The following LRIG3 variants were observed in gnomAD, a reference collection of about 807,000 sequenced individuals.
LRIG3 encodes the protein leucine-rich repeats and immunoglobulin-like domains protein 3.
A neutral mutation model predicts 114.5 loss-of-function variants in LRIG3; 76 were observed. That is an observed-to-expected ratio of 0.66 (90% CI 0.55 to 0.80). LRIG3 has a LOEUF of 0.80. LRIG3 is among the 30% of genes least tolerant of loss of function. LRIG3 has a pLI of 0.00. For missense variants in LRIG3, 1,239 were observed against 1,382.8 expected (o/e 0.90, Z 1.65); for synonymous variants, 512 against 519.8 (o/e 0.98, Z 0.20).
intron 4 of LRIG3, 34 bp downstream of exon 4, chr12:58,890,631 G>T: frequency 6.5e-7 from 1 of 1,540,130 alleles, no homozygotes; most frequent in Non-Finnish European, 8.7e-7. Flanking sequence ...TTTCATTACA[G>T]GTGAAAGTTT....
At chr12:58,883,815 C>A (rs1871191607) in intron 10 of LRIG3, among the ~76,000 whole-genome samples, 1 of 152,164 alleles carries the variant, frequency 6.6e-6, no homozygotes, top group Non-Finnish European at 1.5e-5. Context: ...AAAAGATTCA[C>A]TTTCTGTCAT....
At chr12:58,913,652 C>G (rs993973771) in intron 3 of LRIG3, 20 of 202,068 alleles carry the variant, frequency 9.9e-5, no homozygotes, top group Admixed American at 4.4e-4. Context: ...CCATGCCAAC[C>G]ATTGAGCGAT....
At chr12:58,888,179 C>T in intron 7 of LRIG3, 150 bp downstream of exon 7, 1 of 1,012,894 alleles carries the variant, frequency 9.9e-7, no homozygotes, top group Non-Finnish European at 1.4e-6. Context: ...TTCAACTTAT[C>T]ACAACAAAAA....
At chr12:58,903,749 G>A (rs1341169498) in intron 3 of LRIG3, among the ~76,000 whole-genome samples, 1 of 151,860 alleles carries the variant, frequency 6.6e-6, no homozygotes, top group Non-Finnish European at 1.5e-5. Context: ...TGTATAAGGT[G>A]TAAGGAAGGG....
chr12:58,904,528 T>A (rs548495053), intron 3 of LRIG3, among the ~76,000 whole-genome samples: 1 of 152,226 alleles, frequency 6.6e-6, no homozygotes, highest in South Asian at 2.1e-4. Flanking sequence ...ATACAAGAGT[T>A]TTTGTGGCAA....
At chr12:58,891,838 C>T (rs1871465607) in intron 3 of LRIG3, among the ~76,000 whole-genome samples, 1 of 152,098 alleles carries the variant, frequency 6.6e-6, no homozygotes, top group Non-Finnish European at 1.5e-5. Flanking sequence ...CAGCCACTAG[C>T]CACATGAGGC....
chr12:58,877,932 C>A, intron 14 of LRIG3, 80 bp from the exon 15 acceptor site: 1 of 1,360,450 alleles, frequency 7.4e-7, no homozygotes, highest in South Asian at 1.5e-5. Context: ...TAAACTTATT[C>A]AAATTGTAAC....
At chr12:58,898,012 C>T (rs1356957653) in intron 3 of LRIG3, among the ~76,000 whole-genome samples, 1 of 152,188 alleles carries the variant, frequency 6.6e-6, no homozygotes, top group Non-Finnish European at 1.5e-5. Flanking sequence ...AGTGAACAAA[C>T]TGGAGTGCAG....
At chr12:58,914,156 G>T in intron 2 of LRIG3, 100 bp from the exon 3 acceptor site, 1 of 1,510,788 alleles carries the variant, frequency 6.6e-7, no homozygotes. Flanking sequence ...TACCACCCAA[G>T]TTAAAAGTTT....
In LRIG3 at chr12:58,889,978, A is replaced by T; in HGVS notation, c.659+18T>A. The T allele has an allele frequency of 6.2e-7, 1 of 1,612,748 alleles. No homozygotes were observed. The highest frequency in any genetic ancestry group is 1.1e-5 in the South Asian group (1 of 90,810). On this transcript the variant is annotated intron_variant, in intron 5 of 18. Transcript: ENST00000320743. ...TGGAGGAGGTGAGAAACAGTATCTA[A>T]GAGGACATTTTACTTACAGATGTTG...
At chr12:58,889,584 G>C (rs573834410) in intron 5 of LRIG3, among the ~76,000 whole-genome samples, 1 of 152,136 alleles carries the variant, frequency 6.6e-6, no homozygotes, top group Non-Finnish European at 1.5e-5. Flanking sequence ...CCTATTGCAG[G>C]AGTCTGTTCA....
chr12:58,918,485 A>G (rs1407767669), intron 1 of LRIG3, among the ~76,000 whole-genome samples: 2 of 152,246 alleles, frequency 1.3e-5, no homozygotes, highest in Non-Finnish European at 2.9e-5. Context: ...CTTGACATTG[A>G]AAAACTATCG....
Position 58,887,958 on chromosome 12 carries a change from T to C in LRIG3, c.948-26A>G, listed in dbSNP as rs1407117275. ...CTGTAAAGAAAAAAGAGAAAAGCAA[T>C]AGCTTTTATTTTTCAATTCAACACA... On this transcript the variant is annotated intron_variant, in intron 7 of 18. Coordinates refer to ENST00000320743, the MANE Select transcript of LRIG3 (RefSeq NM_153377.5). The C allele has an allele frequency of 8.8e-6, 14 of 1,598,736 alleles. No individual in the cohort carries two copies. In the East Asian group the frequency reaches 3.1e-4, roughly 36 times the overall value.
chr12:58,895,270 G>GT (rs1373612681), intron 3 of LRIG3, among the ~76,000 whole-genome samples: 1 of 152,164 alleles, frequency 6.6e-6, no homozygotes, highest in Non-Finnish European at 1.5e-5. Flanking sequence ...GTCCAGTGTG[G>GT]TAAGTGCAGC....
intron 16 of LRIG3, 87 bp from the exon 17 acceptor site, chr12:58,874,660 G>A: frequency 2.0e-6 from 3 of 1,533,576 alleles, no homozygotes; most frequent in Non-Finnish European, 2.6e-6. Context: ...CATATTTATA[G>A]ATGAAAGTTT....
chr12:58,884,241 A>G (rs1871203520), intron 10 of LRIG3, among the ~76,000 whole-genome samples: 1 of 152,230 alleles, frequency 6.6e-6, no homozygotes, highest in Non-Finnish European at 1.5e-5. Context: ...TCAGGCAGGA[A>G]ATTCATAAAA....
intron 10 of LRIG3, among the ~76,000 whole-genome samples, chr12:58,884,530 G>A (rs549919080): frequency 1.8e-4 from 28 of 152,312 alleles, no homozygotes; most frequent in African/African-American, 6.3e-4. Flanking sequence ...AACGGAATGG[G>A]CCAAATGACA....
Position 58,888,302 on chromosome 12 carries a change from G to C in LRIG3, c.947+27C>G, listed in dbSNP as rs769990758. 9 of 1,606,646 alleles carry C rather than the reference G, an allele frequency of 5.6e-6. No homozygotes were observed. The East Asian group carries it at 6.7e-5, about 12-fold the overall frequency. The stretch of plus-strand genomic sequence containing the variant: ...TGGCATGATCCCTGCTCTCAAACCT[G>C]AGGAGAATAAATAAAAGGCAACTCA... On this transcript the variant is annotated intron_variant, in intron 7 of 18. Coordinates refer to ENST00000320743, the MANE Select transcript of LRIG3 (RefSeq NM_153377.5).
At chr12:58,888,046 G>C in intron 7 of LRIG3, 114 bp from the exon 8 acceptor site, 1 of 928,264 alleles carries the variant, frequency 1.1e-6, no homozygotes, top group Non-Finnish European at 1.6e-6. Flanking sequence ...TTTAAATTCT[G>C]CCTTAATAAT....
Sources: allele counts gnomAD v4.1 joint callset (sites outside exome capture counted in the v4.1 genomes callset), GRCh38; gene constraint gnomAD v4.1.1; transcripts MANE v1.5; gene names NCBI Gene and HGNC (gene_info 2026-07-23, HGNC 2026-07-21).